CCDC88C: variants seen among roughly 807,000 people sequenced by gnomAD.
CCDC88C encodes the protein coiled-coil and HOOK domain protein 88C.
Under a neutral mutation model 198.8 loss-of-function variants are expected in CCDC88C, and 131 were observed. The observed-to-expected ratio is 0.66, with a 90% CI of 0.57 to 0.76. The LOEUF is 0.76. Ranked by LOEUF, CCDC88C falls within the 30% of genes least tolerant of loss-of-function variation. The pLI is 0.00. For synonymous variants in CCDC88C, 1,166 were observed against 1,114.7 expected, an observed-to-expected ratio of 1.05 and a Z score of -0.92; for missense variants, 2,553 against 2,631.6, an observed-to-expected ratio of 0.97 and a Z score of 0.65.
intron 3 of CCDC88C, among the ~76,000 whole-genome samples, chr14:91,391,860 T>C (rs1172955235): frequency 2.0e-5 from 3 of 152,130 alleles, no homozygotes; most frequent in Non-Finnish European, 4.4e-5. Context: ...CTTTTTCTTG[T>C]TTTTAAAATT....
At chr14:91,275,582 A>T (rs1348375300) in intron 29 of CCDC88C, among the ~76,000 whole-genome samples, 1 of 150,844 alleles carries the variant, frequency 6.6e-6, no homozygotes, top group Admixed American at 6.6e-5. Flanking sequence ...GGTTCAAGAG[A>T]TTCTCCTGCC....
chr14:91,378,220 T>C (rs1040157593), intron 3 of CCDC88C, among the ~76,000 whole-genome samples: 2 of 152,120 alleles, frequency 1.3e-5, no homozygotes, highest in African/African-American at 4.8e-5. Context: ...CAGAGGTCAC[T>C]ACAGCCAGCA....
chr14:91,273,322 C>G lies in CCDC88C; in HGVS notation c.5390G>C (p.Arg1797Pro), dbSNP rs201814255. 2 of 1,552,404 alleles carry G rather than the reference C, an allele frequency of 1.3e-6. No homozygotes were observed. Among genetic ancestry groups the G allele is most frequent in the Admixed American group, 1.9e-5 (1 of 51,988 alleles). ...GAAGGCCCGGCTCAAGGAGGCACTG[C>G]GGCTGGCAGGTGCATGGGAAGCTGG... The part of the protein sequence containing the change: ...VPPASHAPAS[R>P]SASLSRAFSL... Residue 1797 changes from arginine to proline, a missense_variant, in exon 30 of 30, where the codon CGC (arginine) becomes CCC (proline). Physicochemically the swap from Arg to Pro is moderately radical, Grantham distance 103. Transcript: ENST00000389857. The surrounding 1 kb of genome is among the most constrained non-coding windows in gnomAD (Gnocchi z 5.6).
Position 91,321,149 on chromosome 14 carries a change from C to G in CCDC88C, c.1498G>C (p.Glu500Gln), listed in dbSNP as rs1892338759. 1 of 1,612,192 alleles carries G rather than the reference C, an allele frequency of 6.2e-7. No homozygotes were observed. The highest frequency in any genetic ancestry group is 1.3e-5 in the African/African-American group (1 of 74,860). The change falls in exon 13 of 30, where the codon GAG (glutamate) becomes CAG (glutamine). Residue 500 changes from glutamate (E) to glutamine (Q), a missense_variant. Coordinates refer to ENST00000389857, the MANE Select transcript of CCDC88C (RefSeq NM_001080414.4). ...TTGCTGAGCTGGTGGTTCTCCTTCTCCAGCTCCCCGCACTTGAGGCCGCTC... is the reference window on the plus strand; with the variant it reads ...TTGCTGAGCTGGTGGTTCTCCTTCTGCAGCTCCCCGCACTTGAGGCCGCTC... ...EESGLKCGEL[E>Q]KENHQLSKKI...
intron 10 of CCDC88C, among the ~76,000 whole-genome samples, chr14:91,331,115 T>C (rs1332659876): frequency 3.0e-5 from 1 of 33,262 alleles, no homozygotes; most frequent in Non-Finnish European, 6.6e-5. Context: ...GGGGCGGGGG[T>C]GGGGGGAGCG....
intron 3 of CCDC88C, among the ~76,000 whole-genome samples, chr14:91,393,371 ATGAGGCAGAGGCAACC>A (rs1885645252): frequency 6.6e-6 from 1 of 152,104 alleles, no homozygotes; most frequent in Non-Finnish European, 1.5e-5. Flanking sequence ...AGAGGGGCAG[ATGAGGCAGAGGCAACC>A]TGAGCGAATT....
At chr14:91,316,509 G>A (rs1460345305) in intron 13 of CCDC88C, among the ~76,000 whole-genome samples, 13 of 151,132 alleles carry the variant, frequency 8.6e-5, no homozygotes, top group African/African-American at 3.2e-4. Context: ...TGCAACCTCC[G>A]CCTCCCAGAT....
At chr14:91,406,681 G>C (rs1886500651) in intron 3 of CCDC88C, among the ~76,000 whole-genome samples, 1 of 152,232 alleles carries the variant, frequency 6.6e-6, no homozygotes, top group South Asian at 2.1e-4. Flanking sequence ...CTGCAGACAG[G>C]GCCCATGCCC....
At chr14:91,318,229 G>A (rs547144349) in intron 13 of CCDC88C, among the ~76,000 whole-genome samples, 1 of 152,104 alleles carries the variant, frequency 6.6e-6, no homozygotes, top group African/African-American at 2.4e-5. Flanking sequence ...AGACCAGCCT[G>A]GGCAACATAA....
intron 3 of CCDC88C, among the ~76,000 whole-genome samples, chr14:91,400,866 C>T (rs186830715): frequency 6.6e-5 from 10 of 152,238 alleles, no homozygotes; most frequent in Non-Finnish European, 1.2e-4. Context: ...GTCCTTTGAC[C>T]TAGGAACTCC....
intron 29 of CCDC88C, among the ~76,000 whole-genome samples, chr14:91,275,890 C>T (rs866335520): frequency 1.4e-4 from 19 of 138,956 alleles, no homozygotes; most frequent in East Asian, 4.2e-4. Context: ...GGCGCGATCT[C>T]GACTCACTGC....
chr14:91,287,770 C>A (rs141867491), intron 25 of CCDC88C, among the ~76,000 whole-genome samples: 3,067 of 151,902 alleles, frequency 0.02, 65 homozygotes, highest in East Asian at 0.087. Flanking sequence ...TTATATCCTC[C>A]GCCTCCAAGA....
chr14:91,339,457 G>A lies in CCDC88C; in HGVS notation c.630C>T (p.Ile210=), dbSNP rs781071704. The change falls in exon 8 of 30, where the codon ATC becomes ATT. Residue 210 remains isoleucine, a synonymous_variant. Coordinates refer to ENST00000389857, the MANE Select transcript of CCDC88C (RefSeq NM_001080414.4). This position sits in a 1 kb window ranked among gnomAD's most constrained non-coding sequence, Gnocchi z 5.8. ...AGTCCCGTTCCTGAGTGAGGTCCAC[G>A]ATCAGCTGCAGCCGGGCAGAGAGGG... is the stretch of plus-strand genomic sequence containing the variant. The part of the protein sequence containing the change: ...IDQRDECTEL[I]VDLTQERDYL... 1.6e-5 allele frequency: 26 copies of A among 1,603,362 alleles called. No homozygotes were observed. In the Middle Eastern group the frequency reaches 5.0e-4, roughly 31 times the overall value.
chr14:91,346,166 C>T (rs1489923293), intron 4 of CCDC88C, among the ~76,000 whole-genome samples: 1 of 152,212 alleles, frequency 6.6e-6, no homozygotes, highest in Non-Finnish European at 1.5e-5. Context: ...TATGCGACCT[C>T]CTCCTAAGAC....
At position 91,296,460 on chromosome 14, in the gene CCDC88C, AC is replaced by A. The variant is rs567509134; in HGVS notation, c.3966+844del. On this transcript the variant is annotated intron_variant, in intron 22 of 29. Coordinates refer to ENST00000389857, the MANE Select transcript of CCDC88C (RefSeq NM_001080414.4). ...TCCTGACGCACCTGCCTGTGACAGC[AC>A]AGCCCCTGGGGGCGAGGATTCCACA... Among the ~76,000 whole-genome samples the A allele has an allele frequency of 1.7e-3, 258 of 152,302 alleles. 1 individual carries two copies. The highest frequency in any genetic ancestry group is 6.0e-3 in the African/African-American group (251 of 41,566).
At chr14:91,417,225 T>C in intron 1 of CCDC88C, 1 of 702,538 alleles carries the variant, frequency 1.4e-6, no homozygotes, top group South Asian at 1.5e-5. Flanking sequence ...ATCCACCGGC[T>C]GGTCTCAGGG....
chr14:91,298,396 T>C (rs1469190291), intron 21 of CCDC88C, among the ~76,000 whole-genome samples: 1 of 151,800 alleles, frequency 6.6e-6, no homozygotes, highest in East Asian at 1.9e-4. Context: ...TTGCCGGGCA[T>C]AGTGACGCAC....
intron 3 of CCDC88C, among the ~76,000 whole-genome samples, chr14:91,396,594 T>C (rs546560780): frequency 2.0e-4 from 30 of 152,308 alleles, no homozygotes; most frequent in African/African-American, 7.2e-4. Flanking sequence ...ACTCGCGGCT[T>C]CTGCAAGCTT....
intron 10 of CCDC88C, among the ~76,000 whole-genome samples, chr14:91,327,616 C>G (rs894388127): frequency 2.0e-5 from 3 of 152,230 alleles, no homozygotes; most frequent in African/African-American, 7.2e-5. Context: ...GCTCTCCTCA[C>G]TGCCCTCGGC....
Sources: gnomAD v4.1 joint callset for allele counts (sites outside exome capture counted in the v4.1 genomes callset) on GRCh38, gnomAD v4.1.1 for gene constraint, Gnocchi (gnomAD v3.1) non-coding constraint, MANE v1.5 for transcripts, NCBI Gene and HGNC (gene_info 2026-07-23, HGNC 2026-07-21) for gene names.